Variants in CADPS2 observed in about 807,000 individuals in gnomAD.
CADPS2 encodes calcium dependent secretion activator 2.
A neutral mutation model predicts 172.5 loss-of-function variants in CADPS2; 93 were observed. The observed-to-expected ratio is 0.54, with a 90% CI of 0.46 to 0.64. The LOEUF is 0.64. CADPS2 is among the 30% of genes least tolerant of loss of function. CADPS2 has a pLI of 0.00. For missense variants in CADPS2, 1,420 were observed against 1,565.9 expected (o/e 0.91, Z 1.57); for synonymous variants, 546 against 555.2 (o/e 0.98, Z 0.23).
intron 8 of CADPS2, among the ~76,000 whole-genome samples, chr7:122,527,416 T>TAA (rs5887096): frequency 1.4e-5 from 2 of 145,428 alleles, no homozygotes; most frequent in African/African-American, 2.5e-5. Flanking sequence ...ACTAATATGC[T>TAA]AAAAAAAAAA....
In CADPS2 at chr7:122,734,915, T is replaced by C. The variant is rs969842921; in HGVS notation, c.453+2040A>G. Among the ~76,000 whole-genome samples, 6 of 152,108 alleles carry C rather than the reference T, an allele frequency of 3.9e-5. No homozygotes were observed. In the South Asian group the frequency reaches 1.2e-3, roughly 32 times the overall value. On this transcript the variant is annotated intron_variant, in intron 2 of 29. Transcript: ENST00000449022. ...CACTAGCTGGAAATACGAACAGAAGTATAGAAAAACCCTCGGTCACCAAGT... is the reference window on the plus strand; with the variant it reads ...CACTAGCTGGAAATACGAACAGAAGCATAGAAAAACCCTCGGTCACCAAGT...
chr7:122,874,576 C>T (rs750301140), intron 1 of CADPS2, among the ~76,000 whole-genome samples: 1 of 152,124 alleles, frequency 6.6e-6, no homozygotes, highest in Non-Finnish European at 1.5e-5. Context: ...ATAGCCAAGA[C>T]AACCATAAGC....
chr7:122,577,064 T>C (rs2068150967), intron 7 of CADPS2, among the ~76,000 whole-genome samples: 1 of 151,906 alleles, frequency 6.6e-6, no homozygotes, highest in African/African-American at 2.4e-5. Context: ...CCTGGCCTGA[T>C]CTGGTGGTTT....
At chr7:122,531,985 C>G (rs192726385) in intron 8 of CADPS2, among the ~76,000 whole-genome samples, 19 of 150,908 alleles carry the variant, frequency 1.3e-4, no homozygotes, top group Admixed American at 1.1e-3. Flanking sequence ...GAGCCAAGAT[C>G]GTGCCATTGC....
chr7:122,541,952 TTACATGGAA>T (rs1337411486), intron 8 of CADPS2, among the ~76,000 whole-genome samples: 1 of 149,570 alleles, frequency 6.7e-6, no homozygotes, highest in East Asian at 1.9e-4. Context: ...TATCTAAAAG[TTACATGGAA>T]TATATCATAT....
intron 17 of CADPS2, 72 bp from the exon 18 acceptor site, chr7:122,416,236 G>T: frequency 1.4e-6 from 1 of 718,604 alleles, no homozygotes; most frequent in Non-Finnish European, 2.3e-6. Flanking sequence ...ACGTAATGAT[G>T]AGACTAGAAT....
At chr7:122,480,818 A>G (rs1428726594) in intron 12 of CADPS2, 34 bp downstream of exon 12, 1 of 1,455,828 alleles carries the variant, frequency 6.9e-7, no homozygotes, top group East Asian at 2.5e-5. Flanking sequence ...AATTTTTTAA[A>G]ACATCTAATT....
intron 3 of CADPS2, among the ~76,000 whole-genome samples, chr7:122,641,550 A>G (rs1023154537): frequency 6.6e-6 from 1 of 152,186 alleles, no homozygotes; most frequent in African/African-American, 2.4e-5. Context: ...GAAAAGAGAT[A>G]AAGAACCATG....
At chr7:122,702,296 GC>G in intron 2 of CADPS2, 1 of 1,613,670 alleles carries the variant, frequency 6.2e-7, no homozygotes, top group Non-Finnish European at 8.5e-7. Context: ...TATCATCACC[GC>G]GACTATATTT....
chr7:122,453,107 C>A (rs1218591077), intron 14 of CADPS2, among the ~76,000 whole-genome samples: 1 of 152,058 alleles, frequency 6.6e-6, no homozygotes, highest in African/African-American at 2.4e-5. Context: ...ACATTTCTTA[C>A]AATTTTTTAT....
chr7:122,715,363 G>A (rs897709462), intron 2 of CADPS2, among the ~76,000 whole-genome samples: 3 of 152,046 alleles, frequency 2.0e-5, no homozygotes, highest in Non-Finnish European at 4.4e-5. Flanking sequence ...TCCTAGGTAA[G>A]GTTTCTCCTT....
intron 12 of CADPS2, among the ~76,000 whole-genome samples, chr7:122,476,860 A>G (rs2056674500): frequency 6.6e-6 from 1 of 151,950 alleles, no homozygotes; most frequent in African/African-American, 2.4e-5. Flanking sequence ...CATTTAGAAC[A>G]TTTCATGCAA....
At chr7:122,412,444 A>G (rs1025158463) in intron 19 of CADPS2, among the ~76,000 whole-genome samples, 1 of 152,224 alleles carries the variant, frequency 6.6e-6, no homozygotes, top group African/African-American at 2.4e-5. Context: ...ATCCAACCAG[A>G]AGCATAATTT....
intron 15 of CADPS2, among the ~76,000 whole-genome samples, chr7:122,442,758 A>G (rs2051529871): frequency 6.6e-6 from 1 of 152,114 alleles, no homozygotes; most frequent in East Asian, 1.9e-4. Flanking sequence ...GATGCAAATA[A>G]ATGTTATATA....
chr7:122,698,468 C>T (rs372734431), intron 2 of CADPS2: 88 of 1,613,688 alleles, frequency 5.5e-5, no homozygotes, highest in Admixed American at 1.7e-4. Context: ...ATAACCACAA[C>T]GACATCTTCA....
chr7:122,759,274 G>A (rs957195200), intron 1 of CADPS2, among the ~76,000 whole-genome samples: 1 of 152,142 alleles, frequency 6.6e-6, no homozygotes, highest in Non-Finnish European at 1.5e-5. Context: ...ATGGCCCTGA[G>A]TAACAGTTAT....
chr7:122,414,032 C>A, intron 19 of CADPS2, 36 bp downstream of exon 19: 2 of 1,533,850 alleles, frequency 1.3e-6, no homozygotes, highest in South Asian at 2.4e-5. Flanking sequence ...AAGAGGTATC[C>A]TATGCTAATA....
chr7:122,648,699 T>G (rs914690959), intron 3 of CADPS2, among the ~76,000 whole-genome samples: 2 of 152,096 alleles, frequency 1.3e-5, no homozygotes, highest in African/African-American at 4.8e-5. Context: ...AGAGAGTAGG[T>G]AGTTCAGTGT....
intron 1 of CADPS2, among the ~76,000 whole-genome samples, chr7:122,777,316 T>C (rs958647740): frequency 1.3e-5 from 2 of 152,174 alleles, no homozygotes; most frequent in Non-Finnish European, 2.9e-5. Context: ...ACCAAATCCT[T>C]AGCAGACTGA....
Sources: allele counts gnomAD v4.1 joint callset (sites outside exome capture counted in the v4.1 genomes callset), GRCh38; gene constraint gnomAD v4.1.1; transcripts MANE v1.5; gene names NCBI Gene and HGNC (gene_info 2026-07-23, HGNC 2026-07-21).